Variants in PHYHIPL observed in about 807,000 individuals in gnomAD.
PHYHIPL encodes phytanoyl-CoA 2-hydroxylase interacting protein like.
In PHYHIPL, 9 loss-of-function variants were observed where a neutral mutation model predicts 33.4. The observed-to-expected ratio is 0.27, with a 90% confidence interval of 0.16 to 0.47. The LOEUF (loss-of-function observed/expected upper bound fraction) is 0.47, where lower values mean the gene tolerates loss of function less well. Among genes scored for constraint, PHYHIPL ranks in the 20% least tolerant of loss-of-function variants. The pLI, the probability that PHYHIPL is intolerant of heterozygous loss-of-function variation, is 0.99. For missense variants in PHYHIPL, 365 were observed against 460.7 expected, an observed-to-expected ratio of 0.79 and a Z score of 1.90; for synonymous variants, 153 against 154.1, an observed-to-expected ratio of 0.99 and a Z score of 0.05.
intron 1 of PHYHIPL, among the ~76,000 whole-genome samples, chr10:59,233,720 G>A (rs1400819401): frequency 6.6e-6 from 1 of 151,464 alleles, no homozygotes; most frequent in Non-Finnish European, 1.5e-5. Flanking sequence ...TTTTCTTTTA[G>A]CCTTATTTGT....
chr10:59,225,340 T>A (rs1839896679), intron 1 of PHYHIPL, among the ~76,000 whole-genome samples: 1 of 151,608 alleles, frequency 6.6e-6, no homozygotes, highest in Non-Finnish European at 1.5e-5. Context: ...GGAAGATCTG[T>A]GCTGTCACCC....
chr10:59,179,701 A>G (rs573031979), intron 1 of PHYHIPL, among the ~76,000 whole-genome samples: 50 of 151,974 alleles, frequency 3.3e-4, no homozygotes, highest in Admixed American at 2.7e-3. Flanking sequence ...TCACTTGCCT[A>G]TTTTCCTATG....
At chr10:59,197,962 C>T (rs749750185) in intron 1 of PHYHIPL, among the ~76,000 whole-genome samples, 8 of 152,038 alleles carry the variant, frequency 5.3e-5, no homozygotes, top group Non-Finnish European at 1.0e-4. Context: ...GCATTTATGT[C>T]CTCTTGTGGT....
chr10:59,194,005 C>T (rs941927115), intron 1 of PHYHIPL, among the ~76,000 whole-genome samples: 2 of 150,976 alleles, frequency 1.3e-5, no homozygotes, highest in Non-Finnish European at 1.5e-5. Context: ...TTCCAAATTC[C>T]AAATACAATT....
intron 1 of PHYHIPL, among the ~76,000 whole-genome samples, chr10:59,207,428 AC>A (rs1304774096): frequency 6.6e-6 from 1 of 152,160 alleles, no homozygotes; most frequent in African/African-American, 2.4e-5. Flanking sequence ...AGTCTTCGCA[AC>A]CCGCAAACCA....
rs535795251 is a variant in PHYHIPL at position 59,186,831 on chromosome 10, T to G, written c.106+9872T>G. On this transcript the variant is annotated intron_variant, in intron 1 of 4. Transcript: ENST00000373880. ...TTGATTTTTTATCCTGAGACTTTGC[T>G]GAAGTTGCTCATCAGCTTAAGGAGA... is the stretch of plus-strand genomic sequence containing the variant. Among the ~76,000 whole-genome samples the G allele has an allele frequency of 2.0e-5, 3 of 152,360 alleles. No individual in the cohort carries two copies. The South Asian group carries it at 6.2e-4, about 32-fold the overall frequency.
intron 1 of PHYHIPL, among the ~76,000 whole-genome samples, chr10:59,220,255 A>G (rs1159566480): frequency 6.6e-6 from 1 of 152,108 alleles, no homozygotes; most frequent in Non-Finnish European, 1.5e-5. Flanking sequence ...ACAAAACACC[A>G]TGAAAAAGAA....
chr10:59,195,700 T>C (rs75884001), intron 1 of PHYHIPL, among the ~76,000 whole-genome samples: 1 of 152,318 alleles, frequency 6.6e-6, no homozygotes, highest in African/African-American at 2.4e-5. Context: ...TAGGGTACCA[T>C]GTCTCGAAAC....
At chr10:59,238,471 CTATTTAT>C in intron 3 of PHYHIPL, 110 bp from the exon 4 acceptor site, 1 of 498,930 alleles carries the variant, frequency 2.0e-6, no homozygotes, top group Non-Finnish European at 3.6e-6. Context: ...ATGGAATTTC[CTATTTAT>C]TAAGTTGAAT....
chr10:59,226,862 T>A (rs1030785152), intron 1 of PHYHIPL, among the ~76,000 whole-genome samples: 1 of 151,990 alleles, frequency 6.6e-6, no homozygotes, highest in East Asian at 1.9e-4. Flanking sequence ...ATACCGTCCA[T>A]ATAGTGAAAG....
chr10:59,184,481 G>T (rs1413143050), intron 1 of PHYHIPL, among the ~76,000 whole-genome samples: 2 of 152,096 alleles, frequency 1.3e-5, no homozygotes, highest in African/African-American at 4.8e-5. Flanking sequence ...TATTTCCAGG[G>T]TTTTGCGATT....
At chr10:59,236,334 C>G in intron 2 of PHYHIPL, 149 bp from the exon 3 acceptor site, 1 of 451,318 alleles carries the variant, frequency 2.2e-6, no homozygotes, top group South Asian at 5.8e-5. Flanking sequence ...CCTCCTTTTC[C>G]CTCCTTCCTT....
chr10:59,208,088 C>T (rs984066249), intron 1 of PHYHIPL, among the ~76,000 whole-genome samples: 1 of 152,156 alleles, frequency 6.6e-6, no homozygotes, highest in Non-Finnish European at 1.5e-5. Context: ...GACAGACTGC[C>T]TCCTCAAGTG....
intron 1 of PHYHIPL, among the ~76,000 whole-genome samples, chr10:59,229,262 A>G (rs897473688): frequency 3.3e-5 from 5 of 152,194 alleles, no homozygotes; most frequent in Non-Finnish European, 5.9e-5. Flanking sequence ...TTGTCTCAGT[A>G]TGAAGCTATT....
upstream of PHYHIPL, among the ~76,000 whole-genome samples, chr10:59,174,113 T>A (rs183116676): frequency 2.3e-3 from 351 of 151,904 alleles, no homozygotes; most frequent in Non-Finnish European, 3.3e-3. Context: ...ATCTGAGAAT[T>A]GGGAAAGTAA....
At chr10:59,181,000 A>T (rs1157819845) in intron 1 of PHYHIPL, among the ~76,000 whole-genome samples, 2 of 152,164 alleles carry the variant, frequency 1.3e-5, no homozygotes, top group African/African-American at 4.8e-5. Context: ...TAGTGATAAT[A>T]CCATTTTAGA....
chr10:59,210,719 A>G (rs1839417727), intron 1 of PHYHIPL, among the ~76,000 whole-genome samples: 1 of 152,188 alleles, frequency 6.6e-6, no homozygotes, highest in Non-Finnish European at 1.5e-5. Context: ...AATGTGGCAC[A>G]TACACCATGG....
At chr10:59,195,131 T>G (rs1207840803) in intron 1 of PHYHIPL, among the ~76,000 whole-genome samples, 1 of 152,226 alleles carries the variant, frequency 6.6e-6, no homozygotes, top group African/African-American at 2.4e-5. Context: ...ATTAATTATG[T>G]AATTTAAGGT....
In PHYHIPL at chr10:59,180,345, T is replaced by G. The variant is rs868118441; in HGVS notation, c.106+3386T>G. On this transcript the variant is annotated intron_variant, in intron 1 of 4. Coordinates refer to ENST00000373880, the MANE Select transcript of PHYHIPL (RefSeq NM_032439.4). ...ATATATATATATATATATATATATA[T>G]ATATATATATATATATACTTTTTCT... 4.8e-5 allele frequency among the ~76,000 whole-genome samples: 5 copies of G among 103,400 alleles called. No individual in the cohort carries two copies. The Admixed American group carries it at 5.9e-4, about 12-fold the overall frequency. 67.8% of individuals were successfully genotyped at this position (103,400 alleles called of 152,430 possible).
Sources: gnomAD v4.1 joint callset for allele counts (sites outside exome capture counted in the v4.1 genomes callset) on GRCh38, gnomAD v4.1.1 for gene constraint, MANE v1.5 for transcripts, NCBI Gene and HGNC (gene_info 2026-07-23, HGNC 2026-07-21) for gene names.